The following GPBP1L1 variants were observed in gnomAD, a reference collection of about 807,000 sequenced individuals.
GPBP1L1 encodes the protein GC-rich promoter binding protein 1 like 1.
A neutral mutation model predicts 52.5 loss-of-function variants in GPBP1L1; 23 were observed. The ratio of observed to expected loss-of-function variants is 0.44; its 90% CI spans 0.32 to 0.62. The LOEUF is 0.62. Among genes scored for constraint, GPBP1L1 ranks in the 20% least tolerant of loss-of-function variants. The pLI is 0.06. For missense variants in GPBP1L1, 596 were observed against 579.3 expected (o/e 1.03, Z -0.30); for synonymous variants, 243 against 203.1 (o/e 1.20, Z -1.67).
chr1:45,630,085 G>T (rs1409472657), intron 11 of GPBP1L1, among the ~76,000 whole-genome samples: 2 of 152,050 alleles, frequency 1.3e-5, no homozygotes, highest in African/African-American at 4.8e-5. Flanking sequence ...CTAGTAGCTG[G>T]AATTACAGGC....
intron 7 of GPBP1L1, 89 bp downstream of exon 7, chr1:45,642,338 G>A (rs1342250788): frequency 4.7e-6 from 4 of 845,454 alleles, no homozygotes; most frequent in Non-Finnish European, 8.0e-6. Flanking sequence ...TGAGAAACAA[G>A]AGATAAAAAG....
intron 8 of GPBP1L1, among the ~76,000 whole-genome samples, chr1:45,636,771 A>G (rs1477016839): frequency 6.6e-6 from 1 of 152,244 alleles, no homozygotes; most frequent in Non-Finnish European, 1.5e-5. Flanking sequence ...ACAACCCTAG[A>G]AAGTGTCACA....
At chr1:45,668,437 T>A (rs1294009696) in intron 2 of GPBP1L1, among the ~76,000 whole-genome samples, 6 of 152,090 alleles carry the variant, frequency 3.9e-5, no homozygotes, top group Non-Finnish European at 7.4e-5. Context: ...GCGGATAACT[T>A]GAGGTCAGGG....
At chr1:45,641,410 A>G (rs1644670374) in intron 7 of GPBP1L1, among the ~76,000 whole-genome samples, 1 of 152,040 alleles carries the variant, frequency 6.6e-6, no homozygotes, top group African/African-American at 2.4e-5. Context: ...AAAAAACAAA[A>G]CAAAACAAAA....
At position 45,630,531 on chromosome 1, in the gene GPBP1L1, C is replaced by A. The variant is rs201388892; in HGVS notation, c.1120G>T (p.Val374Leu). 27 of 1,613,910 alleles carry A rather than the reference C, an allele frequency of 1.7e-5. No homozygotes were observed. Among genetic ancestry groups the A allele is most frequent in the Non-Finnish European group, 2.2e-5 (26 of 1,179,784 alleles). Residue 374 changes from valine to leucine, a missense_variant, in exon 11 of 13, where the codon GTA (valine) becomes TTA (leucine). By Grantham distance (32) the Val-to-Leu change is conservative. Transcript: ENST00000355105. Reference sequence around the variant, plus strand: ...GAGAGAACCTCCCCTTCTTCCACTACAGGGAGGGCAAGACCATTTTGATGA... The same window carrying A: ...GAGAGAACCTCCCCTTCTTCCACTAAAGGGAGGGCAAGACCATTTTGATGA... ...GCHQNGLALP[V>L]VEEGEVLSHS...
intron 2 of GPBP1L1, among the ~76,000 whole-genome samples, chr1:45,666,099 T>C (rs2148493761): frequency 6.6e-6 from 1 of 151,550 alleles, no homozygotes; most frequent in East Asian, 1.9e-4. Flanking sequence ...TGTCTGGAAG[T>C]AATCCCTGCC....
At position 45,634,141 on chromosome 1, in the gene GPBP1L1, T is replaced by TTTGGTAACAGAGATTGGA; in HGVS notation, c.822_839dup (p.Thr279_Lys280insAsnProIleSerValThr). Reference sequence around the variant, plus strand: ...CTGCACCACTAGCCAGTACCACTGGTTTGGTAACAGAGATTGGACTGGTAA... The same window carrying TTTGGTAACAGAGATTGGA: ...CTGCACCACTAGCCAGTACCACTGGTTTGGTAACAGAGATTGGATTGGTAACAGAGATTGGACTGGTAA... On this transcript the variant is annotated inframe_insertion, in exon 9 of 13. Coordinates refer to ENST00000355105, the MANE Select transcript of GPBP1L1 (RefSeq NM_021639.5). 2 of 1,613,796 alleles carry TTTGGTAACAGAGATTGGA rather than the reference T, an allele frequency of 1.2e-6. No homozygotes were observed. The highest frequency in any genetic ancestry group is 1.7e-6 in the Non-Finnish European group (2 of 1,179,770).
rs776980680 is a variant in GPBP1L1 at position 45,629,673 on chromosome 1, A to G, written c.1175T>C (p.Leu392Ser). ...ATATTCCTGCCAACCCATAGCTTTC[A>G]ATAACCTGGTGGACGCAGAAGGACA... ...SHSLEAEHRL[L>S]KAMGWQEYPE... The change falls in exon 12 of 13, where the codon TTG becomes TCG. Residue 392 changes from leucine (L) to serine (S), a missense_variant. Leu to Ser is a moderately radical substitution (Grantham distance 145). Coordinates refer to ENST00000355105, the MANE Select transcript of GPBP1L1 (RefSeq NM_021639.5). 1 of 1,602,130 alleles carries G rather than the reference A, an allele frequency of 6.2e-7. No individual in the cohort carries two copies.
chr1:45,667,182 T>C (rs577514985), intron 2 of GPBP1L1, among the ~76,000 whole-genome samples: 1 of 152,330 alleles, frequency 6.6e-6, no homozygotes, highest in Non-Finnish European at 1.5e-5. Context: ...TAATTGCTTA[T>C]GATGGTAAAT....
Position 45,685,249 on chromosome 1 carries a change from G to T in GPBP1L1, c.-1098+327C>A, listed in dbSNP as rs560995239. Among the ~76,000 whole-genome samples, 23 of 152,252 alleles carry T rather than the reference G, an allele frequency of 1.5e-4. No homozygotes were observed. The South Asian group carries it at 4.8e-3, about 32-fold the overall frequency. ...ATAAAAAAGACCTTAGAAAAGATCA[G>T]CAGTCTACTAAATTACAAATATAAG... On this transcript the variant is annotated intron_variant, in intron 2 of 12. Coordinates refer to ENST00000355105, the MANE Select transcript of GPBP1L1 (RefSeq NM_021639.5).
chr1:45,630,153 G>A (rs1045207648), intron 11 of GPBP1L1, among the ~76,000 whole-genome samples: 28 of 152,314 alleles, frequency 1.8e-4, no homozygotes, highest in African/African-American at 6.7e-4. Flanking sequence ...GTTTCGCCAT[G>A]TTGGCCAAGC....
intron 2 of GPBP1L1, among the ~76,000 whole-genome samples, chr1:45,685,107 G>A (rs951887276): frequency 6.7e-6 from 1 of 150,200 alleles, no homozygotes; most frequent in African/African-American, 2.4e-5. Context: ...TTGTTCAAAA[G>A]GGCACGACAA....
chr1:45,654,332 A>G (rs1644856740), intron 6 of GPBP1L1: 1 of 440,254 alleles, frequency 2.3e-6, no homozygotes, highest in African/African-American at 2.0e-5. Flanking sequence ...CCAAAGACAC[A>G]AAGATGAAAA....
Position 45,640,276 on chromosome 1 carries a change from T to A in GPBP1L1, c.678A>T (p.Lys226Asn). The change falls in exon 8 of 13, where the codon AAA becomes AAT. Residue 226 changes from lysine (K) to asparagine (N), a missense_variant. Physicochemically the swap from Lys to Asn is moderately conservative, Grantham distance 94. Transcript: ENST00000355105. The stretch of plus-strand genomic sequence containing the variant: ...AGACACTTGGAACCACGGATGACAA[T>A]TTGTTCCCATTTGCATGGTGAGATC... ...SPGSHHANGNKLSSVVPSVYK... is the reference protein window; with the variant it reads ...SPGSHHANGNNLSSVVPSVYK... 1 of 1,614,140 alleles carries A rather than the reference T, an allele frequency of 6.2e-7. No individual in the cohort carries two copies. Among genetic ancestry groups the A allele is most frequent in the Non-Finnish European group, 8.5e-7 (1 of 1,180,004 alleles).
At chr1:45,634,290 A>C in intron 8 of GPBP1L1, 54 bp from the exon 9 acceptor site, 3 of 1,503,784 alleles carry the variant, frequency 2.0e-6, no homozygotes, top group Non-Finnish European at 2.7e-6. Flanking sequence ...ACAGAAGCTC[A>C]GCTTATAAAA....
chr1:45,639,631 C>T (rs1025986428), intron 8 of GPBP1L1, among the ~76,000 whole-genome samples: 1 of 151,094 alleles, frequency 6.6e-6, no homozygotes, highest in Non-Finnish European at 1.5e-5. Flanking sequence ...AATCCCAGCA[C>T]CTTGGGAGGC....
intron 2 of GPBP1L1, among the ~76,000 whole-genome samples, chr1:45,668,249 T>C (rs1645033175): frequency 6.6e-6 from 1 of 152,194 alleles, no homozygotes; most frequent in African/African-American, 2.4e-5. Flanking sequence ...AATGACAGTT[T>C]AGAAAAGATA....
intron 2 of GPBP1L1, among the ~76,000 whole-genome samples, chr1:45,683,283 G>A (rs1645234462): frequency 7.5e-6 from 1 of 133,322 alleles, no homozygotes; most frequent in African/African-American, 2.9e-5. Context: ...TCGGCTCACT[G>A]GAAGCTCTGC....
At chr1:45,646,809 G>A (rs1221993603) in intron 6 of GPBP1L1, among the ~76,000 whole-genome samples, 5 of 151,882 alleles carry the variant, frequency 3.3e-5, no homozygotes, top group African/African-American at 7.3e-5. Flanking sequence ...TGCCCCCCTC[G>A]GCCTCCCAAA....
Sources: allele counts gnomAD v4.1 joint callset (sites outside exome capture counted in the v4.1 genomes callset), GRCh38; gene constraint gnomAD v4.1.1; transcripts MANE v1.5; gene names NCBI Gene and HGNC (gene_info 2026-07-23, HGNC 2026-07-21).